RCAN2: variants seen among roughly 807,000 people sequenced by gnomAD.
RCAN2 encodes the protein calcipressin-2.
A neutral mutation model predicts 23.6 loss-of-function variants in RCAN2; 9 were observed. The ratio of observed to expected loss-of-function variants is 0.38; its 90% CI spans 0.23 to 0.67. The LOEUF (loss-of-function observed/expected upper bound fraction) is 0.67. RCAN2 is among the 30% of genes least tolerant of loss of function. The pLI is 0.51. For missense variants in RCAN2, 273 were observed against 302.3 expected (o/e 0.90, Z 0.72); for synonymous variants, 109 against 115.7 (o/e 0.94, Z 0.37).
intron 2 of RCAN2, among the ~76,000 whole-genome samples, chr6:46,334,942 T>C (rs745812405): frequency 4.0e-5 from 6 of 150,520 alleles, no homozygotes; most frequent in Non-Finnish European, 8.9e-5. Flanking sequence ...GGCAGTACCA[T>C]GTTTAAGAAG....
At chr6:46,280,741 G>T (rs543731544) in intron 2 of RCAN2, among the ~76,000 whole-genome samples, 21 of 152,152 alleles carry the variant, frequency 1.4e-4, no homozygotes, top group Non-Finnish European at 2.5e-4. Flanking sequence ...AGAAGCCTGT[G>T]CCATCCATTC....
chr6:46,248,326 T>TA (rs1188277240), intron 3 of RCAN2, among the ~76,000 whole-genome samples: 1 of 152,224 alleles, frequency 6.6e-6, no homozygotes, highest in African/African-American at 2.4e-5. Context: ...ATAACCCTGA[T>TA]AGGAAGGTTA....
intron 1 of RCAN2, among the ~76,000 whole-genome samples, chr6:46,474,740 TC>T (rs1768666452): frequency 6.6e-6 from 1 of 152,210 alleles, no homozygotes; most frequent in African/African-American, 2.4e-5. Context: ...AACTTTGATC[TC>T]CAGATTGGAG....
At chr6:46,410,238 C>T (rs187168196) in intron 2 of RCAN2, among the ~76,000 whole-genome samples, 47 of 152,288 alleles carry the variant, frequency 3.1e-4, no homozygotes, top group Non-Finnish European at 3.5e-4. Context: ...CTACTAGCAT[C>T]CCAGGTTCTC....
At chr6:46,287,356 G>A (rs1185425064) in intron 2 of RCAN2, among the ~76,000 whole-genome samples, 1 of 152,224 alleles carries the variant, frequency 6.6e-6, no homozygotes, top group East Asian at 1.9e-4. Flanking sequence ...ACGTAGCCCA[G>A]TTCTGGACAC....
intron 2 of RCAN2, among the ~76,000 whole-genome samples, chr6:46,337,702 G>T (rs965519492): frequency 1.3e-5 from 2 of 152,176 alleles, no homozygotes; most frequent in Non-Finnish European, 2.9e-5. Flanking sequence ...GTTCAGGGCT[G>T]GTTAAGCCAG....
At chr6:46,226,894 C>T (rs553490395) in intron 4 of RCAN2, among the ~76,000 whole-genome samples, 10 of 152,256 alleles carry the variant, frequency 6.6e-5, no homozygotes, top group South Asian at 6.2e-4. Flanking sequence ...CCAGTTTTTG[C>T]CCATTCAGTA....
chr6:46,272,247 C>T (rs1461242234), intron 2 of RCAN2, among the ~76,000 whole-genome samples: 1 of 152,150 alleles, frequency 6.6e-6, no homozygotes, highest in Non-Finnish European at 1.5e-5. Context: ...TAATGATCAC[C>T]TAAAGCTTCA....
At chr6:46,334,620 G>A (rs1482357852) in intron 2 of RCAN2, among the ~76,000 whole-genome samples, 1 of 152,102 alleles carries the variant, frequency 6.6e-6, no homozygotes, top group Admixed American at 6.5e-5. Flanking sequence ...CAGGAAGAGG[G>A]GCACAAAATG....
intron 2 of RCAN2, among the ~76,000 whole-genome samples, chr6:46,278,689 T>C (rs1425233737): frequency 6.6e-6 from 1 of 152,226 alleles, no homozygotes; most frequent in Non-Finnish European, 1.5e-5. Context: ...TCTGGAACAT[T>C]CCTCACTCTT....
intron 1 of RCAN2, among the ~76,000 whole-genome samples, chr6:46,460,629 T>C (rs1261921207): frequency 6.6e-6 from 1 of 152,196 alleles, no homozygotes; most frequent in African/African-American, 2.4e-5. Context: ...CCAATGCAGC[T>C]ACTATTGTGA....
At chr6:46,413,292 T>C (rs1398979137) in intron 2 of RCAN2, among the ~76,000 whole-genome samples, 1 of 152,236 alleles carries the variant, frequency 6.6e-6, no homozygotes, top group Non-Finnish European at 1.5e-5. Context: ...TGTGCATCTT[T>C]TAAAGGACAG....
At chr6:46,456,399 A>G (rs1045388988) in intron 2 of RCAN2, among the ~76,000 whole-genome samples, 3 of 152,230 alleles carry the variant, frequency 2.0e-5, no homozygotes, top group African/African-American at 7.2e-5. Flanking sequence ...GGCAAATTAT[A>G]TTTATGGCAG....
chr6:46,398,666 G>T (rs1001649543), intron 2 of RCAN2, among the ~76,000 whole-genome samples: 2 of 152,062 alleles, frequency 1.3e-5, no homozygotes, highest in Admixed American at 6.6e-5. Flanking sequence ...TTTCTGGCTA[G>T]TAAAAACCAT....
chr6:46,229,755 T>C (rs1765812424), intron 4 of RCAN2, among the ~76,000 whole-genome samples: 1 of 152,194 alleles, frequency 6.6e-6, no homozygotes. Context: ...TTACCAATCA[T>C]CTGAAGCCTT....
chr6:46,407,536 A>G (rs914580959), intron 2 of RCAN2, among the ~76,000 whole-genome samples: 3 of 152,252 alleles, frequency 2.0e-5, no homozygotes, highest in African/African-American at 7.2e-5. Context: ...AGAAAAATAC[A>G]TACTTTGGAA....
At chr6:46,276,364 C>T (rs545204052) in intron 2 of RCAN2, among the ~76,000 whole-genome samples, 1 of 152,262 alleles carries the variant, frequency 6.6e-6, no homozygotes, top group East Asian at 1.9e-4. Context: ...TTTGCCACGA[C>T]ACAAGCTCTG....
chr6:46,468,935 C>T (rs985227674), intron 1 of RCAN2: 34 of 767,402 alleles, frequency 4.4e-5, no homozygotes, highest in Admixed American at 6.2e-5. Flanking sequence ...ACAATTTGCT[C>T]TTGATCTGAA....
At chr6:46,325,361 C>T (rs1390864085) in intron 2 of RCAN2, 1 of 1,611,916 alleles carries the variant, frequency 6.2e-7, no homozygotes, top group African/African-American at 1.3e-5. Flanking sequence ...TCAGTAACAG[C>T]AACAATGAAA....
Sources: allele counts gnomAD v4.1 joint callset (sites outside exome capture counted in the v4.1 genomes callset), GRCh38; gene constraint gnomAD v4.1.1; transcripts MANE v1.5; gene names NCBI Gene and HGNC (gene_info 2026-07-23, HGNC 2026-07-21).